The following CUL3 variants were observed in gnomAD, a reference collection of about 807,000 sequenced individuals.
CUL3 encodes the protein cullin-3.
A neutral mutation model predicts 89.1 loss-of-function variants in CUL3; 19 were observed. The ratio of observed to expected loss-of-function variants is 0.21; its 90% CI spans 0.15 to 0.31. CUL3 has a LOEUF of 0.31. Ranked by LOEUF, CUL3 falls within the 10% of genes least tolerant of loss-of-function variation. The pLI, the probability that CUL3 is intolerant of heterozygous loss-of-function variation, is 1.00. For synonymous variants in CUL3, 351 were observed against 308.4 expected (o/e 1.14, Z -1.45); for missense variants, 469 against 942.3 (o/e 0.50, Z 6.58).
intron 1 of CUL3, among the ~76,000 whole-genome samples, chr2:224,567,669 G>A (rs927402630): frequency 6.6e-6 from 1 of 151,980 alleles, no homozygotes; most frequent in Non-Finnish European, 1.5e-5. Flanking sequence ...GAACCCAGGA[G>A]GCAGAGGTTG....
intron 1 of CUL3, among the ~76,000 whole-genome samples, chr2:224,579,662 AG>A (rs1574711070): frequency 6.6e-6 from 1 of 152,168 alleles, no homozygotes; most frequent in Non-Finnish European, 1.5e-5. Context: ...CTCTAGCATT[AG>A]GGAGTGGGCA....
At chr2:224,525,524 G>A (rs1693439809) in intron 3 of CUL3, among the ~76,000 whole-genome samples, 1 of 151,964 alleles carries the variant, frequency 6.6e-6, no homozygotes, top group Admixed American at 6.6e-5. Context: ...TTATGTATTT[G>A]GAAAAACATT....
intron 2 of CUL3, among the ~76,000 whole-genome samples, chr2:224,557,186 G>A (rs1373382572): frequency 6.6e-6 from 1 of 151,966 alleles, no homozygotes; most frequent in Non-Finnish European, 1.5e-5. Flanking sequence ...AATGTGAACA[G>A]CCCAACAATA....
intron 1 of CUL3, among the ~76,000 whole-genome samples, chr2:224,578,774 C>T (rs1476304377): frequency 6.6e-6 from 1 of 152,010 alleles, no homozygotes; most frequent in Non-Finnish European, 1.5e-5. Context: ...TTATATAAAC[C>T]TAACAGGACT....
At chr2:224,518,833 G>A (rs1435234144) in intron 3 of CUL3, among the ~76,000 whole-genome samples, 1 of 152,092 alleles carries the variant, frequency 6.6e-6, no homozygotes, top group Non-Finnish European at 1.5e-5. Flanking sequence ...GTCTCCCATG[G>A]CTTGGATTTC....
rs1165357584 is a variant in CUL3 at position 224,471,000 on chromosome 2, AT to A, written c.*3244del. ...ATGACAGTTATGTCACATAAAGCCA[AT>A]ATGACAACTAAATGAATGAATATAC... On this transcript the variant is annotated 3_prime_UTR_variant, in exon 16 of 16. Coordinates refer to ENST00000264414, the MANE Select transcript of CUL3 (RefSeq NM_003590.5). 4.4e-6 allele frequency: 1 copy of A among 228,298 alleles called. No homozygotes were observed. Among genetic ancestry groups the A allele is most frequent in the African/African-American group, 2.2e-5 (1 of 45,122 alleles). 14.1% of individuals were successfully genotyped at this position (228,298 alleles called of 1,614,324 possible).
chr2:224,514,836 CAATAACA>C, intron 3 of CUL3, 64 bp from the exon 4 acceptor site: 1 of 1,134,578 alleles, frequency 8.8e-7, no homozygotes. Flanking sequence ...TTGTGTGCTA[CAATAACA>C]AATAAAGGAA....
intron 10 of CUL3, among the ~76,000 whole-genome samples, chr2:224,501,916 A>G (rs1010677568): frequency 6.6e-6 from 1 of 152,222 alleles, no homozygotes; most frequent in Non-Finnish European, 1.5e-5. Context: ...AAGAAAATAT[A>G]TCAATATATT....
At chr2:224,582,549 A>G (rs1695465717) in intron 1 of CUL3, among the ~76,000 whole-genome samples, 1 of 152,254 alleles carries the variant, frequency 6.6e-6, no homozygotes, top group Admixed American at 6.5e-5. Flanking sequence ...ATCAGCAGCT[A>G]TTAACTACTG....
chr2:224,569,371 C>T (rs568957393), intron 1 of CUL3, among the ~76,000 whole-genome samples: 1 of 152,220 alleles, frequency 6.6e-6, no homozygotes, highest in African/African-American at 2.4e-5. Context: ...AAATTAAATT[C>T]ATTCAGCAGA....
chr2:224,576,156 G>C (rs2106324761), intron 1 of CUL3, among the ~76,000 whole-genome samples: 1 of 152,176 alleles, frequency 6.6e-6, no homozygotes, highest in Non-Finnish European at 1.5e-5. Context: ...ACCACATCTG[G>C]GCCCAATAAT....
intron 2 of CUL3, among the ~76,000 whole-genome samples, chr2:224,536,211 C>T (rs532161048): frequency 3.3e-5 from 5 of 152,250 alleles, no homozygotes; most frequent in South Asian, 2.1e-4. Flanking sequence ...CTTAGTACTC[C>T]GTAAACACTC....
chr2:224,506,641 G>C (rs1692613577), intron 7 of CUL3, among the ~76,000 whole-genome samples: 1 of 152,126 alleles, frequency 6.6e-6, no homozygotes, highest in East Asian at 1.9e-4. Flanking sequence ...CTTCATCAAA[G>C]AAGTTAAATG....
chr2:224,474,053 T>TTA lies in CUL3; in HGVS notation c.*191_*192insTA, dbSNP rs1691225751. ...AAGATGATCTCTACAGGGATAAACG[T>TTA]TGTAAAGCCTGAAGCTCAATCAACT... On this transcript the variant is annotated 3_prime_UTR_variant, in exon 16 of 16. Transcript: ENST00000264414. The TTA allele has an allele frequency of 2.1e-6, 1 of 485,998 alleles. No individual in the cohort carries two copies. The allele number at this position is 485,998 out of a possible 1,614,324, so 30.1% of individuals were successfully genotyped here.
intron 1 of CUL3, among the ~76,000 whole-genome samples, chr2:224,565,260 A>G (rs1439253280): frequency 6.6e-6 from 1 of 152,224 alleles, no homozygotes; most frequent in Admixed American, 6.5e-5. Flanking sequence ...ATTGTAAGAA[A>G]AAGAAAATGT....
intron 3 of CUL3, among the ~76,000 whole-genome samples, chr2:224,520,496 G>C (rs1389689834): frequency 6.6e-6 from 1 of 152,140 alleles, no homozygotes; most frequent in Non-Finnish European, 1.5e-5. Context: ...TCCACTTCTA[G>C]TCCTGAAAAT....
At chr2:224,494,586 T>C (rs776058282) in intron 13 of CUL3, among the ~76,000 whole-genome samples, 16 of 152,034 alleles carry the variant, frequency 1.1e-4, no homozygotes, top group South Asian at 2.1e-4. Context: ...AGCATAAAAA[T>C]AGACCCACCC....
At position 224,513,518 on chromosome 2, in the gene CUL3, G is replaced by A. The variant is rs759477204; in HGVS notation, c.654+6C>T. ...AAGATTATTTATTTACATTTTCACG[G>A]ATTACCTGAAAAAATTCTGCAGACA... On this transcript the variant is annotated splice_donor_region_variant and intron_variant, in intron 5 of 15. Coordinates refer to ENST00000264414, the MANE Select transcript of CUL3 (RefSeq NM_003590.5). 5 of 1,447,198 alleles carry A rather than the reference G, an allele frequency of 3.5e-6. No individual in the cohort carries two copies. The East Asian group carries it at 1.1e-4, about 33-fold the overall frequency. The allele number at this position is 1,447,198 out of a possible 1,614,324, so 89.6% of individuals were successfully genotyped here.
chr2:224,579,122 G>A (rs1345718516), intron 1 of CUL3, among the ~76,000 whole-genome samples: 7 of 152,040 alleles, frequency 4.6e-5, no homozygotes, highest in Non-Finnish European at 2.9e-5. Context: ...AGAAAGACAA[G>A]ACAAAATAAA....
Sources: allele counts gnomAD v4.1 joint callset (sites outside exome capture counted in the v4.1 genomes callset), GRCh38; gene constraint gnomAD v4.1.1; transcripts MANE v1.5; gene names NCBI Gene and HGNC (gene_info 2026-07-23, HGNC 2026-07-21).